Variants in BCAN observed in about 807,000 individuals in gnomAD.
The protein encoded by BCAN is brevican core protein.
Under a neutral mutation model 92.4 loss-of-function variants are expected in BCAN, and 51 were observed. The observed-to-expected ratio is 0.55, with a 90% CI of 0.44 to 0.70. The LOEUF is 0.70. Among genes scored for constraint, BCAN ranks in the 30% least tolerant of loss-of-function variants. BCAN has a pLI of 0.00. For synonymous variants in BCAN, 501 were observed against 505.2 expected (o/e 0.99, Z 0.11); for missense variants, 1,140 against 1,212.1 (o/e 0.94, Z 0.88).
Position 156,654,029 on chromosome 1 carries a change from C to T in BCAN, c.1942+1137C>T, listed in dbSNP as rs555403733. Among the ~76,000 whole-genome samples the T allele has an allele frequency of 4.6e-5, 7 of 152,286 alleles. No individual in the cohort carries two copies. The East Asian group carries it at 7.7e-4, about 17-fold the overall frequency. The stretch of plus-strand genomic sequence containing the variant: ...CTCTCATCCCACTACCTACAACTTC[C>T]GTCTTCTCCACTAACTCCTGCACTA... On this transcript the variant is annotated intron_variant, in intron 8 of 13. Transcript: ENST00000329117.
Position 156,647,089 on chromosome 1 carries a change from T to C in BCAN, c.380T>C (p.Leu127Pro). 6.2e-7 allele frequency: 1 copy of C among 1,608,408 alleles called. No individual in the cohort carries two copies. The highest frequency in any genetic ancestry group is 8.5e-7 in the Non-Finnish European group (1 of 1,175,938). Residue 127 changes from leucine to proline, a missense_variant, in exon 3 of 14, where the codon CTG (leucine) becomes CCG (proline). By Grantham distance (98) the Leu-to-Pro change is moderately conservative (BLOSUM62 -3). Around this residue, in one of 3 missense-constraint regions of BCAN, gnomAD observed 286 missense variants for 284.1 expected, o/e 1.01. Transcript: ENST00000329117. This position sits in a 1 kb window ranked among gnomAD's most constrained non-coding sequence, Gnocchi z 4.8. ...GACGTCTCCCTGGCGCTGAGCGAGC[T>C]GCGCCCCAACGACTCAGGTATCTAT... ...LTDVSLALSE[L>P]RPNDSGIYRC...
chr1:156,656,774 C>T, intron 9 of BCAN, 164 bp from the exon 10 acceptor site: 1 of 963,812 alleles, frequency 1.0e-6, no homozygotes. Context: ...CCCCTCCAGG[C>T]TCCTGCTACC....
At chr1:156,655,898 CT>C (rs963766580) in intron 8 of BCAN, among the ~76,000 whole-genome samples, 19 of 152,324 alleles carry the variant, frequency 1.2e-4, no homozygotes, top group African/African-American at 3.4e-4. Context: ...GGAAAATGAC[CT>C]GCCCAATATC....
chr1:156,652,200 C>A, intron 7 of BCAN, 48 bp from the exon 8 acceptor site: 1 of 1,537,060 alleles, frequency 6.5e-7, no homozygotes. Flanking sequence ...CCTTTCGGTC[C>A]TTGGACAGAC....
At position 156,652,545 on chromosome 1, in the gene BCAN, C is replaced by T; in HGVS notation, c.1595C>T (p.Pro532Leu). The stretch of plus-strand genomic sequence containing the variant: ...GATGGAGAGTCAGAAGCTTCCAGGC[C>T]TCCAAGGGTCCATGGACCACCTACT... Reference protein sequence around the residue: ...LPDGESEASRPPRVHGPPTET... With the variant: ...LPDGESEASRLPRVHGPPTET... Residue 532 changes from proline to leucine, a missense_variant, in exon 8 of 14, where the codon CCT becomes CTT. By Grantham distance (98) the Pro-to-Leu change is moderately conservative. Transcript: ENST00000329117. The T allele has an allele frequency of 4.3e-6, 7 of 1,613,806 alleles. No individual in the cohort carries two copies. The highest frequency in any genetic ancestry group is 5.1e-6 in the Non-Finnish European group (6 of 1,179,868).
At chr1:156,657,440 C>G (rs1679373450) in intron 10 of BCAN, 1 of 552,460 alleles carries the variant, frequency 1.8e-6, no homozygotes, top group African/African-American at 1.9e-5. Context: ...AGTTTTGACT[C>G]TTTTTCCAAA....
Position 156,658,626 on chromosome 1 carries a change from C to T in BCAN, c.2521C>T (p.Arg841Cys), listed in dbSNP as rs377573150. ...GCGCTATGAGGTGGACACTGTGCTT[C>T]GCTACCGGTGCCGGGAAGGACTGGC... Reference protein sequence around the residue: ...RLRYEVDTVLRYRCREGLAQR... With the variant: ...RLRYEVDTVLCYRCREGLAQR... Residue 841 changes from arginine (R) to cysteine (C), a missense_variant, in exon 13 of 14, where the codon CGC becomes TGC. Physicochemically the swap from Arg to Cys is radical, Grantham distance 180. Around this residue, in one of 3 missense-constraint regions of BCAN, gnomAD observed 825 missense variants for 871.8 expected, o/e 0.95. Coordinates refer to ENST00000329117, the MANE Select transcript of BCAN (RefSeq NM_021948.5). This position sits in a 1 kb window ranked among gnomAD's most constrained non-coding sequence, Gnocchi z 4.4. 20 of 1,614,156 alleles carry T rather than the reference C, an allele frequency of 1.2e-5. No homozygotes were observed. Among genetic ancestry groups the T allele is most frequent in the Non-Finnish European group, 1.5e-5 (18 of 1,180,058 alleles).
rs1258894392 is a variant in BCAN at position 156,647,283 on chromosome 1, G to A, written c.466+108G>A. On this transcript the variant is annotated intron_variant, in intron 3 of 13. Transcript: ENST00000329117. This position sits in a 1 kb window ranked among gnomAD's most constrained non-coding sequence, Gnocchi z 4.8. ...AGGGAAGCAAAGGTAGCTGGAAGGC[G>A]CAGCCTGGGTTGGAAAAAGAGTGAG... 8.8e-6 allele frequency: 12 copies of A among 1,360,962 alleles called. No homozygotes were observed. Among genetic ancestry groups the A allele is most frequent in the East Asian group, 2.6e-5 (1 of 38,834 alleles). 84.3% of individuals were successfully genotyped at this position (1,360,962 alleles called of 1,614,324 possible).
At position 156,652,198 on chromosome 1, in the gene BCAN, T is replaced by C. The variant is rs201162583; in HGVS notation, c.1298-50T>C. 1.0e-4 allele frequency: 155 copies of C among 1,537,520 alleles called. No individual in the cohort carries two copies. The African/African-American group carries it at 2.0e-3, about 20-fold the overall frequency. On this transcript the variant is annotated intron_variant, in intron 7 of 13. Coordinates refer to ENST00000329117, the MANE Select transcript of BCAN (RefSeq NM_021948.5). ...TCTCCCCTTCCCTTTTTCCTTTCGG[T>C]CCTTGGACAGACGCTGTCCCTGGTG...
chr1:156,657,860 GC>G, intron 11 of BCAN, 103 bp downstream of exon 11: 1 of 1,023,284 alleles, frequency 9.8e-7, no homozygotes, highest in Middle Eastern at 2.1e-4. Context: ...TCTTTTTCCG[GC>G]CTCCTTCCCT....
In BCAN at chr1:156,647,939, T is replaced by C; in HGVS notation, c.642-44T>C. 2 of 1,608,770 alleles carry C rather than the reference T, an allele frequency of 1.2e-6. No individual in the cohort carries two copies. Among genetic ancestry groups the C allele is most frequent in the South Asian group, 2.2e-5 (2 of 90,918 alleles). The stretch of plus-strand genomic sequence containing the variant: ...ATAGAATCAATATGGGCTGGCTCCC[T>C]GGTGAAAGCATCTGTACTAAGTGAT... On this transcript the variant is annotated intron_variant, in intron 4 of 13. Coordinates refer to ENST00000329117, the MANE Select transcript of BCAN (RefSeq NM_021948.5). The surrounding 1 kb of genome is among the most constrained non-coding windows in gnomAD (Gnocchi z 4.8).
intron 8 of BCAN, among the ~76,000 whole-genome samples, chr1:156,654,203 C>G (rs1679263242): frequency 2.6e-5 from 4 of 152,194 alleles, no homozygotes; most frequent in Admixed American, 2.6e-4. Context: ...CTGAGAGAAG[C>G]CCTCTCTACT....
intron 9 of BCAN, 51 bp from the exon 10 acceptor site, chr1:156,656,887 C>T (rs749442182): frequency 6.3e-7 from 1 of 1,594,336 alleles, no homozygotes; most frequent in Admixed American, 1.7e-5. Flanking sequence ...TCCAGGGGAC[C>T]TGGCCCTCTG....
In BCAN at chr1:156,648,582, G is replaced by A. The variant is rs1679060248; in HGVS notation, c.784G>A (p.Gly262Ser). Reference sequence around the variant, plus strand: ...TCTCCACCCAGGAGAACTGTTCCTGGGTGACCCTCCAGAGAAGCTGACATT... The same window carrying A: ...TCTCCACCCAGGAGAACTGTTCCTGAGTGACCCTCCAGAGAAGCTGACATT... ...AEDLNGELFL[G>S]DPPEKLTLEE... The change falls in exon 6 of 14, where the codon GGT becomes AGT. Residue 262 changes from glycine to serine, a missense_variant. Physicochemically the swap from Gly to Ser is moderately conservative, Grantham distance 56. This residue lies in a region of BCAN where 825 missense variants were observed against 871.8 expected (regional missense o/e 0.95). Transcript: ENST00000329117. 6.3e-7 allele frequency: 1 copy of A among 1,593,500 alleles called. No individual in the cohort carries two copies. Among genetic ancestry groups the A allele is most frequent in the African/African-American group, 1.3e-5 (1 of 74,594 alleles).
At chr1:156,657,166 C>T in intron 10 of BCAN, 70 bp downstream of exon 10, 1 of 1,567,760 alleles carries the variant, frequency 6.4e-7, no homozygotes, top group Non-Finnish European at 8.7e-7. Context: ...GCCTAACCGC[C>T]TTCCTCATTA....
At position 156,647,729 on chromosome 1, in the gene BCAN, C is replaced by T; in HGVS notation, c.641+47C>T. ...GGGCTTCTATTGGCCCCTGAGGTGG[C>T]CATGGCCCCCCTTCTGCTGGGTGCT... On this transcript the variant is annotated intron_variant, in intron 4 of 13. Coordinates refer to ENST00000329117, the MANE Select transcript of BCAN (RefSeq NM_021948.5). The surrounding 1 kb of genome is among the most constrained non-coding windows in gnomAD (Gnocchi z 4.8). The T allele has an allele frequency of 6.4e-7, 1 of 1,554,410 alleles. No homozygotes were observed.
In BCAN at chr1:156,652,657, T is replaced by G; in HGVS notation, c.1707T>G (p.Thr569=). 4 of 1,613,620 alleles carry G rather than the reference T, an allele frequency of 2.5e-6. No individual in the cohort carries two copies. Among genetic ancestry groups the G allele is most frequent in the Non-Finnish European group, 3.4e-6 (4 of 1,179,676 alleles). ...AGGCAAGAGAGGTGGGGGAGGCAAC[T>G]GGTGGTCCTGAGCTATCTGGGGTCC... ...LVEAREVGEA[T]GGPELSGVPR... is the part of the protein sequence containing the mutation. Residue 569 remains threonine, a synonymous_variant, in exon 8 of 14, where the codon ACT becomes ACG. Coordinates refer to ENST00000329117, the MANE Select transcript of BCAN (RefSeq NM_021948.5).
Position 156,651,704 on chromosome 1 carries a change from T to C in BCAN, c.1297+15T>C. ...GACGCTCCTAGGTAAGTCGGATCCC[T>C]TATCCTAAGGATGTCTTGATTGAAA... On this transcript the variant is annotated intron_variant, in intron 7 of 13. Coordinates refer to ENST00000329117, the MANE Select transcript of BCAN (RefSeq NM_021948.5). 6.3e-7 allele frequency: 1 copy of C among 1,587,810 alleles called. No individual in the cohort carries two copies. Among genetic ancestry groups the C allele is most frequent in the Non-Finnish European group, 8.6e-7 (1 of 1,166,696 alleles).
chr1:156,653,769 A>G (rs1419553491), intron 8 of BCAN, among the ~76,000 whole-genome samples: 9 of 152,104 alleles, frequency 5.9e-5, no homozygotes, highest in Admixed American at 3.3e-4. Flanking sequence ...GTCATCATCC[A>G]TAGTCTGAGG....
Sources: gnomAD v4.1 joint callset for allele counts (sites outside exome capture counted in the v4.1 genomes callset) on GRCh38, gnomAD v4.1.1 for gene constraint, gnomAD v4.1.1 regional missense constraint, Gnocchi (gnomAD v3.1) non-coding constraint, MANE v1.5 for transcripts, NCBI Gene and HGNC (gene_info 2026-07-23, HGNC 2026-07-21) for gene names.